The following PCDH7 variants were observed in gnomAD, a reference collection of about 807,000 sequenced individuals.
PCDH7 encodes the protein protocadherin-7.
In PCDH7, 17 loss-of-function variants were observed where a neutral mutation model predicts 58.9. That is an observed-to-expected ratio of 0.29 (90% confidence interval 0.20 to 0.43). The LOEUF is 0.43. PCDH7 is among the 20% of genes least tolerant of loss of function. The probability of loss-of-function intolerance (pLI) is 1.00; values close to 1 mark genes in which losing one functional copy is unlikely to be tolerated. For synonymous variants in PCDH7, 664 were observed against 616.4 expected (o/e 1.08, Z -1.14); for missense variants, 1,274 against 1,441.0 (o/e 0.88, Z 1.88).
chr4:31,078,992 A>G (rs1289805327), intron 3 of PCDH7, among the ~76,000 whole-genome samples: 1 of 151,890 alleles, frequency 6.6e-6, no homozygotes, highest in Non-Finnish European at 1.5e-5. Flanking sequence ...CGATAAATGA[A>G]TCTGTGATAA....
intron 1 of PCDH7, among the ~76,000 whole-genome samples, chr4:30,800,310 A>G (rs767025722): frequency 6.6e-5 from 10 of 152,122 alleles, no homozygotes; most frequent in Non-Finnish European, 1.3e-4. Flanking sequence ...ATGCAAACAC[A>G]TATATATACA....
chr4:31,062,577 A>G (rs1414037551), intron 3 of PCDH7, among the ~76,000 whole-genome samples: 3 of 151,812 alleles, frequency 2.0e-5, no homozygotes, highest in African/African-American at 7.2e-5. Flanking sequence ...CAAATCAACA[A>G]CTGATTTCAT....
exon 1 of PCDH7, chr4:30,724,536 A>C: frequency 6.2e-7 from 1 of 1,614,172 alleles, no homozygotes; most frequent in Admixed American, 1.7e-5. Context: ...ACAACATTTC[A>C]ATTGGATCAG....
chr4:31,047,255 C>T (rs533633896), intron 3 of PCDH7, among the ~76,000 whole-genome samples: 4 of 152,196 alleles, frequency 2.6e-5, no homozygotes, highest in African/African-American at 7.2e-5. Flanking sequence ...TCCTCAGCTG[C>T]TGTTGTGGGC....
In PCDH7 at chr4:30,868,311, T is replaced by A. The variant is rs534311038; in HGVS notation, c.71-51842T>A. On this transcript the variant is annotated intron_variant, in intron 1 of 3. Coordinates refer to the PCDH7 transcript ENST00000509759. Reference sequence around the variant, plus strand: ...AAATGGTGATTTAGGTTCATTTGCATGCTAGCATCATACAAAATGGTACAG... The same window carrying A: ...AAATGGTGATTTAGGTTCATTTGCAAGCTAGCATCATACAAAATGGTACAG... 4.6e-5 allele frequency among the ~76,000 whole-genome samples: 7 copies of A among 152,216 alleles called. No individual in the cohort carries two copies. In the South Asian group the frequency reaches 1.2e-3, roughly 27 times the overall value.
In PCDH7 at chr4:30,750,129, T is replaced by C. The variant is rs539848064; in HGVS notation, c.70+25533T>C. Among the ~76,000 whole-genome samples, 4 of 152,248 alleles carry C rather than the reference T, an allele frequency of 2.6e-5. No homozygotes were observed. The South Asian group carries it at 8.3e-4, about 32-fold the overall frequency. ...GCATAGAATGTAGATAATGCCATGT[T>C]AGGGAATTTCTGATCTATAATGAGT... On this transcript the variant is annotated intron_variant, in intron 1 of 3. Transcript: ENST00000509759.
At chr4:30,967,993 C>T (rs1326392801) in intron 3 of PCDH7, among the ~76,000 whole-genome samples, 1 of 151,916 alleles carries the variant, frequency 6.6e-6, no homozygotes, top group Non-Finnish European at 1.5e-5. Flanking sequence ...AACCAGTATT[C>T]CCAACTCAGT....
At chr4:30,846,385 C>G (rs1430898104) in intron 1 of PCDH7, among the ~76,000 whole-genome samples, 4 of 152,104 alleles carry the variant, frequency 2.6e-5, no homozygotes, top group African/African-American at 9.7e-5. Context: ...CTCTTGTACT[C>G]TCTTACCCTT....
chr4:30,827,683 C>T (rs139697745), intron 1 of PCDH7, among the ~76,000 whole-genome samples: 210 of 152,252 alleles, frequency 1.4e-3, no homozygotes, highest in South Asian at 7.5e-3. Context: ...GACAGTTGTG[C>T]ATGCAGTACA....
intron 1 of PCDH7, among the ~76,000 whole-genome samples, chr4:30,912,833 A>G (rs1247897479): frequency 2.0e-5 from 3 of 152,138 alleles, no homozygotes; most frequent in South Asian, 2.1e-4. Context: ...GCCTTGTGCT[A>G]TATTTTCTGT....
At chr4:31,016,974 T>A (rs570291322) in intron 3 of PCDH7, among the ~76,000 whole-genome samples, 20 of 151,202 alleles carry the variant, frequency 1.3e-4, no homozygotes, top group African/African-American at 1.9e-4. Flanking sequence ...TGTGTGTGTG[T>A]GAGAGAGAGA....
chr4:30,745,007 C>G (rs961575549), intron 1 of PCDH7, among the ~76,000 whole-genome samples: 7 of 152,220 alleles, frequency 4.6e-5, no homozygotes, highest in African/African-American at 1.2e-4. Flanking sequence ...TGTCAAATCA[C>G]CTTCAGATGG....
intron 1 of PCDH7, among the ~76,000 whole-genome samples, chr4:30,791,921 T>C (rs1724168885): frequency 6.6e-6 from 1 of 152,236 alleles, no homozygotes; most frequent in South Asian, 2.1e-4. Context: ...TTATAAATTG[T>C]CATATTATCA....
downstream of PCDH7, chr4:31,144,876 G>A (rs891266253): frequency 1.3e-5 from 2 of 152,094 alleles, no homozygotes; most frequent in Non-Finnish European, 2.9e-5. Flanking sequence ...TTACACTATG[G>A]AAAGATGCAA....
intron 3 of PCDH7, among the ~76,000 whole-genome samples, chr4:31,028,057 T>A (rs1156252436): frequency 6.6e-6 from 1 of 152,164 alleles, no homozygotes; most frequent in Non-Finnish European, 1.5e-5. Context: ...CTTTTATTTT[T>A]AATTTTTTTT....
chr4:30,738,357 A>C (rs1271089633), intron 1 of PCDH7, among the ~76,000 whole-genome samples: 1 of 151,984 alleles, frequency 6.6e-6, no homozygotes, highest in East Asian at 1.9e-4. Context: ...TCCCTTGATG[A>C]GCTCCAAAAA....
chr4:30,755,240 A>C (rs1156511593), intron 1 of PCDH7, among the ~76,000 whole-genome samples: 1 of 152,176 alleles, frequency 6.6e-6, no homozygotes, highest in Non-Finnish European at 1.5e-5. Flanking sequence ...AAACAACTCA[A>C]GTGTTTGAAA....
chr4:30,790,106 T>C (rs1723921133), intron 1 of PCDH7, among the ~76,000 whole-genome samples: 2 of 152,116 alleles, frequency 1.3e-5, no homozygotes, highest in South Asian at 4.1e-4. Context: ...TTGCTTTTGG[T>C]TTTAGTTCTT....
intron 1 of PCDH7, among the ~76,000 whole-genome samples, chr4:30,919,007 T>C (rs1742835048): frequency 6.6e-6 from 1 of 152,150 alleles, no homozygotes; most frequent in Non-Finnish European, 1.5e-5. Context: ...ATTTGTATCA[T>C]GAACATTCAA....
Sources: gnomAD v4.1 joint callset for allele counts (sites outside exome capture counted in the v4.1 genomes callset) on GRCh38, gnomAD v4.1.1 for gene constraint, MANE v1.5 for transcripts, NCBI Gene and HGNC (gene_info 2026-07-23, HGNC 2026-07-21) for gene names.